CNTN4: variants seen among roughly 807,000 people sequenced by gnomAD.
CNTN4 encodes contactin 4.
In CNTN4, 77 loss-of-function variants were observed where a neutral mutation model predicts 122.5. That is an observed-to-expected ratio of 0.63 (90% CI 0.52 to 0.76). The LOEUF is 0.76. Ranked by LOEUF, CNTN4 falls within the 30% of genes least tolerant of loss-of-function variation. The pLI, the probability that CNTN4 is intolerant of heterozygous loss-of-function variation, is 0.00. For synonymous variants in CNTN4, 512 were observed against 447.0 expected (o/e 1.15, Z -1.83); for missense variants, 1,256 against 1,259.1 (o/e 1.00, Z 0.04).
chr3:2,248,663 C>A (rs2040247331), intron 2 of CNTN4, among the ~76,000 whole-genome samples: 1 of 152,004 alleles, frequency 6.6e-6, no homozygotes, highest in African/African-American at 2.4e-5. Context: ...TTGCCTTGGC[C>A]ATTCATCATA....
intron 2 of CNTN4, among the ~76,000 whole-genome samples, chr3:2,149,807 T>G (rs978956267): frequency 6.6e-6 from 1 of 152,082 alleles, no homozygotes. Context: ...CAACTACAGG[T>G]TGTGTAGTTG....
At chr3:2,965,891 A>T (rs116999399) in intron 13 of CNTN4, among the ~76,000 whole-genome samples, 1 of 152,182 alleles carries the variant, frequency 6.6e-6, no homozygotes, top group Non-Finnish European at 1.5e-5. Context: ...ATGAAAAATT[A>T]TCATTGATTC....
intron 4 of CNTN4, among the ~76,000 whole-genome samples, chr3:2,696,847 T>C (rs1394792542): frequency 2.1e-5 from 3 of 142,048 alleles, no homozygotes; most frequent in Admixed American, 7.3e-5. Flanking sequence ...TTGTGTCTCA[T>C]GAATTATTTG....
intron 2 of CNTN4, among the ~76,000 whole-genome samples, chr3:2,214,554 G>A (rs767122418): frequency 6.6e-6 from 1 of 152,056 alleles, no homozygotes; most frequent in Non-Finnish European, 1.5e-5. Context: ...TTGAAGGAGA[G>A]GAAAATTATG....
At chr3:2,388,303 T>A (rs1278908067) in intron 3 of CNTN4, among the ~76,000 whole-genome samples, 3 of 152,318 alleles carry the variant, frequency 2.0e-5, no homozygotes, top group South Asian at 2.1e-4. Flanking sequence ...CAAAAATGCT[T>A]AAGAAGTAAG....
intron 2 of CNTN4, among the ~76,000 whole-genome samples, chr3:2,202,885 G>A (rs569574162): frequency 5.3e-4 from 80 of 151,552 alleles, no homozygotes; most frequent in Non-Finnish European, 7.2e-4. Context: ...GTGCAGTGGC[G>A]TCATCTCAGC....
intron 2 of CNTN4, among the ~76,000 whole-genome samples, chr3:2,121,719 T>C (rs946292509): frequency 6.6e-6 from 1 of 152,042 alleles, no homozygotes; most frequent in African/African-American, 2.4e-5. Context: ...AGAGAAAGAG[T>C]TAAAGGTAAT....
At chr3:2,368,309 G>A (rs13091719) in intron 3 of CNTN4, among the ~76,000 whole-genome samples, 56,376 of 151,698 alleles carry the variant, frequency 0.37, 10,645 homozygotes, top group Middle Eastern at 0.49. Context: ...TGGGATTACA[G>A]GCGTGAGCCA....
intron 2 of CNTN4, among the ~76,000 whole-genome samples, chr3:2,137,032 G>A (rs1331455177): frequency 6.6e-6 from 1 of 152,098 alleles, no homozygotes; most frequent in Non-Finnish European, 1.5e-5. Flanking sequence ...GAATCTAGGA[G>A]AAGGAAAATA....
intron 2 of CNTN4, among the ~76,000 whole-genome samples, chr3:2,134,399 T>A (rs1330520406): frequency 6.6e-6 from 1 of 152,174 alleles, no homozygotes; most frequent in Non-Finnish European, 1.5e-5. Context: ...GACAGGTTGA[T>A]GGATGATAGG....
intron 3 of CNTN4, among the ~76,000 whole-genome samples, chr3:2,545,110 G>C (rs1420618702): frequency 2.6e-5 from 4 of 151,988 alleles, no homozygotes; most frequent in African/African-American, 9.7e-5. Context: ...CTTGATTTCT[G>C]CCTTAATTTC....
chr3:2,305,817 C>A (rs988339836), intron 2 of CNTN4, among the ~76,000 whole-genome samples: 6 of 152,166 alleles, frequency 3.9e-5, no homozygotes, highest in Non-Finnish European at 5.9e-5. Context: ...CTCCTAACAA[C>A]CACCAATGTA....
At chr3:2,567,108 CGG>C (rs1186171887) in intron 3 of CNTN4, among the ~76,000 whole-genome samples, 2 of 130,916 alleles carry the variant, frequency 1.5e-5, no homozygotes, top group African/African-American at 5.8e-5. Context: ...TTTTTTCAGA[CGG>C]AGTCTTGCTC....
intron 13 of CNTN4, among the ~76,000 whole-genome samples, chr3:2,972,551 G>C (rs977282078): frequency 6.6e-6 from 1 of 152,104 alleles, no homozygotes; most frequent in Non-Finnish European, 1.5e-5. Context: ...GGATTATTTG[G>C]AAACAGTTGT....
chr3:2,802,504 T>C (rs140579583), intron 6 of CNTN4, among the ~76,000 whole-genome samples: 1 of 152,308 alleles, frequency 6.6e-6, no homozygotes, highest in African/African-American at 2.4e-5. Context: ...AATCGTGCCT[T>C]ACAGAAAAAA....
At chr3:2,170,986 T>C (rs1449617173) in intron 2 of CNTN4, among the ~76,000 whole-genome samples, 2 of 152,198 alleles carry the variant, frequency 1.3e-5, no homozygotes, top group Admixed American at 1.3e-4. Context: ...AATAATCACA[T>C]ACTACTATAC....
At chr3:3,028,852 A>G (rs981269835) in intron 15 of CNTN4, among the ~76,000 whole-genome samples, 3 of 151,696 alleles carry the variant, frequency 2.0e-5, no homozygotes, top group African/African-American at 7.3e-5. Flanking sequence ...GTCTACTTAT[A>G]TGTGGATTTT....
At position 2,317,365 on chromosome 3, in the gene CNTN4, G is replaced by T. The variant is rs569823060; in HGVS notation, c.-144-21813G>T. Among the ~76,000 whole-genome samples the T allele has an allele frequency of 1.3e-4, 20 of 152,292 alleles. No homozygotes were observed. In the East Asian group the frequency reaches 3.1e-3, roughly 24 times the overall value. On this transcript the variant is annotated intron_variant, in intron 2 of 24. Coordinates refer to ENST00000418658, the MANE Select transcript of CNTN4 (RefSeq NM_175607.3). ...GTAGTTTATTTGTTAGAAGAAGCTA[G>T]CGGGCAGAGGATTCATCAAAATAAT... is the stretch of plus-strand genomic sequence containing the variant.
chr3:2,119,066 T>C (rs566142257), intron 2 of CNTN4, among the ~76,000 whole-genome samples: 1 of 152,320 alleles, frequency 6.6e-6, no homozygotes, highest in Admixed American at 6.5e-5. Context: ...CAGTGGACTT[T>C]GAATAAAGCA....
Sources: gnomAD v4.1 joint callset for allele counts (sites outside exome capture counted in the v4.1 genomes callset) on GRCh38, gnomAD v4.1.1 for gene constraint, MANE v1.5 for transcripts, NCBI Gene and HGNC (gene_info 2026-07-23, HGNC 2026-07-21) for gene names.